Variants in SLC6A4 observed in about 807,000 individuals in gnomAD.
SLC6A4 encodes solute carrier family 6 member 4.
Under a neutral mutation model 73.4 loss-of-function variants are expected in SLC6A4, and 22 were observed. The ratio of observed to expected loss-of-function variants is 0.30; its 90% CI spans 0.21 to 0.43. SLC6A4 has a LOEUF of 0.43. Among genes scored for constraint, SLC6A4 ranks in the 20% least tolerant of loss-of-function variants. The probability of loss-of-function intolerance (pLI) is 1.00; values close to 1 mark genes in which losing one functional copy is unlikely to be tolerated. For missense variants in SLC6A4, 593 were observed against 808.5 expected, an observed-to-expected ratio of 0.73 and a Z score of 3.23; for synonymous variants, 270 against 315.5, an observed-to-expected ratio of 0.86 and a Z score of 1.53.
rs572219241 is a variant in SLC6A4, at chr17:30,229,249, C to T, written c.-220-6334G>A. Reference sequence around the variant, plus strand: ...AAGTACTGGCAGGCACACCCATCAGCGGTCTGGGCTCCAAATGTTCATCTG... The same window carrying T: ...AAGTACTGGCAGGCACACCCATCAGTGGTCTGGGCTCCAAATGTTCATCTG... On this transcript the variant is annotated intron_variant, in intron 1 of 14. Transcript: ENST00000650711. Among the ~76,000 whole-genome samples the T allele has an allele frequency of 9.2e-5, 14 of 152,284 alleles. No individual in the cohort carries two copies. In the East Asian group the frequency reaches 2.7e-3, roughly 29 times the overall value.
intron 9 of SLC6A4, 78 bp downstream of exon 9, chr17:30,212,662 A>G: frequency 6.6e-7 from 1 of 1,511,124 alleles, no homozygotes; most frequent in Non-Finnish European, 9.1e-7. Flanking sequence ...AAATAAATCA[A>G]AAGTTAGATC....
Position 30,194,373 on chromosome 17 carries a change from AAC to A in SLC6A4, c.*4081_*4082del, listed in dbSNP as rs1458713472. The A allele has an allele frequency of 3.3e-5, 5 of 152,136 alleles. No individual in the cohort carries two copies. The highest frequency in any genetic ancestry group is 7.4e-5 in the Non-Finnish European group (5 of 68,014). 9.4% of individuals were successfully genotyped at this position (152,136 alleles called of 1,614,324 possible). ...CACAATCTAACTTGAAATATTTATA[AAC>A]ACTGCATAAATGAATACAAGGGCAC... On this transcript the variant is annotated 3_prime_UTR_variant, in exon 15 of 15. Coordinates refer to ENST00000650711, the MANE Select transcript of SLC6A4 (RefSeq NM_001045.6).
Position 30,216,200 on chromosome 17 carries a change from G to C in SLC6A4, c.854C>G (p.Ala285Gly). 16 of 1,576,416 alleles carry C rather than the reference G, an allele frequency of 1.0e-5. No individual in the cohort carries two copies. Among genetic ancestry groups the C allele is most frequent in the Non-Finnish European group, 1.4e-5 (16 of 1,157,154 alleles). ...AGAAAGGATGATATAAGGGAAGGTG[G>C]CTGTCACCCACACCACCTGTAAGGA... ...KTSGKVVWVT[A>G]TFPYIILSVL... The change falls in exon 7 of 15, where the codon GCC becomes GGC. Residue 285 changes from alanine to glycine, a missense_variant. Physicochemically the swap from Ala to Gly is moderately conservative, Grantham distance 60 (BLOSUM62 0). Coordinates refer to ENST00000650711, the MANE Select transcript of SLC6A4 (RefSeq NM_001045.6).
Position 30,207,786 on chromosome 17 carries a change from G to C in SLC6A4, c.1596C>G (p.Ser532Arg). The part of the protein sequence containing the change: ...CRDVKEMLGF[S>R]PGWFWRICWV... The stretch of plus-strand genomic sequence containing the variant: ...AGCAGATCCTCCAGAACCACCCCGG[G>C]CTGAAGCCGAGCATTTCCTTCACGT... Residue 532 changes from serine (S) to arginine (R), a missense_variant, in exon 13 of 15, where the codon AGC becomes AGG. Coordinates refer to ENST00000650711, the MANE Select transcript of SLC6A4 (RefSeq NM_001045.6). 6.2e-7 allele frequency: 1 copy of C among 1,614,082 alleles called. No individual in the cohort carries two copies. Among genetic ancestry groups the C allele is most frequent in the Non-Finnish European group, 8.5e-7 (1 of 1,179,984 alleles).
At chr17:30,224,985 TATCCCC>T (rs2143015897) in intron 1 of SLC6A4, among the ~76,000 whole-genome samples, 1 of 152,290 alleles carries the variant, frequency 6.6e-6, no homozygotes, top group Admixed American at 6.5e-5. Context: ...TTTCCTGAAA[TATCCCC>T]TAGTTCTTCT....
Position 30,211,292 on chromosome 17 carries a change from T to A in SLC6A4, c.1317+20A>T, listed in dbSNP as rs776185068. On this transcript the variant is annotated intron_variant, in intron 10 of 14. Transcript: ENST00000650711. The surrounding 1 kb of genome is among the most constrained non-coding windows in gnomAD (Gnocchi z 4.0). ...CCTCTTCATCCTCCCACAGCCCATT[T>A]CCCCTTCCCATTTCCTCACCGTGCT... The A allele has an allele frequency of 2.0e-6, 3 of 1,468,972 alleles. No homozygotes were observed. In the African/African-American group the frequency reaches 4.2e-5, roughly 20 times the overall value. 91.0% of individuals were successfully genotyped at this position (1,468,972 alleles called of 1,614,324 possible).
chr17:30,227,047 G>A (rs575564282), intron 1 of SLC6A4, among the ~76,000 whole-genome samples: 17 of 152,334 alleles, frequency 1.1e-4, no homozygotes, highest in Middle Eastern at 6.8e-3. Flanking sequence ...GCTGCCGCTG[G>A]CTCGCCGCGG....
chr17:30,199,809 A>T (rs902560958), intron 14 of SLC6A4, among the ~76,000 whole-genome samples: 1 of 152,206 alleles, frequency 6.6e-6, no homozygotes, highest in African/African-American at 2.4e-5. Flanking sequence ...GAAACCATGC[A>T]TTCCCACAGA....
Position 30,198,144 on chromosome 17 carries a change from A to T in SLC6A4, c.*312T>A, listed in dbSNP as rs551563998. 2 of 302,012 alleles carry T rather than the reference A, an allele frequency of 6.6e-6. No individual in the cohort carries two copies. Among genetic ancestry groups the T allele is most frequent in the East Asian group, 1.1e-4 (2 of 17,838 alleles). 18.7% of individuals were successfully genotyped at this position (302,012 alleles called of 1,614,324 possible). ...AAGAAATGATACAGGAGACTTTCAC[A>T]GACTTGATTCTAAACCTAATCCTAA... On this transcript the variant is annotated 3_prime_UTR_variant, in exon 15 of 15. Coordinates refer to ENST00000650711, the MANE Select transcript of SLC6A4 (RefSeq NM_001045.6).
At position 30,218,937 on chromosome 17, in the gene SLC6A4, G is replaced by A; in HGVS notation, c.344-6C>T. On this transcript the variant is annotated splice_polypyrimidine_tract_variant and splice_region_variant and intron_variant, in intron 3 of 14. Coordinates refer to ENST00000650711, the MANE Select transcript of SLC6A4 (RefSeq NM_001045.6). ...GTAGGGGAGGAGGAATGCCCCTGAG[G>A]CAGATGAAAGACAATTTCACTCCCT... 6.2e-7 allele frequency: 1 copy of A among 1,613,880 alleles called. No homozygotes were observed. The highest frequency in any genetic ancestry group is 8.5e-7 in the Non-Finnish European group (1 of 1,179,990).
chr17:30,217,370 C>G (rs1906611003), intron 5 of SLC6A4, 66 bp from the exon 6 acceptor site: 1 of 1,514,328 alleles, frequency 6.6e-7, no homozygotes. Context: ...CACATCTGTG[C>G]TGCTCCTTTG....
intron 13 of SLC6A4, among the ~76,000 whole-genome samples, chr17:30,206,712 C>CTTTTTTTTTTTTTTTTTTTT (rs1056871791): frequency 5.0e-5 from 4 of 80,296 alleles, no homozygotes; most frequent in Non-Finnish European, 9.6e-5. Flanking sequence ...CTTTTCTTTT[C>CTTTTTTTTTTTTTTTTTTTT]TTTTTTTTTT....
At position 30,197,592 on chromosome 17, in the gene SLC6A4, C is replaced by G. The variant is rs1274528634; in HGVS notation, c.*864G>C. On this transcript the variant is annotated 3_prime_UTR_variant, in exon 15 of 15. Transcript: ENST00000650711. The stretch of plus-strand genomic sequence containing the variant: ...ATAGGCCAGATCTGCCTGTGGAACA[C>G]TGTCCTGAATGTTTAGCACAGAGAG... The G allele has an allele frequency of 6.6e-6, 1 of 152,404 alleles. No homozygotes were observed. The highest frequency in any genetic ancestry group is 1.5e-5 in the Non-Finnish European group (1 of 68,068). 9.4% of individuals were successfully genotyped at this position (152,404 alleles called of 1,614,324 possible). A position where few individuals can be genotyped will look rare whatever the true frequency, so the allele number is the denominator to read the frequency against.
rs1567819009 is a variant in SLC6A4 at position 30,214,972 on chromosome 17, TC to T, written c.1076+638del. On this transcript the variant is annotated intron_variant, in intron 8 of 14. Transcript: ENST00000650711. ...TTTCTTTCTTTCCTTCCTTCTTTCT[TC>T]TTTCTTTCTTTTTCTTTCCTTCCTT... Among the ~76,000 whole-genome samples the T allele has an allele frequency of 4.9e-5, 7 of 141,514 alleles. No homozygotes were observed. In the South Asian group the frequency reaches 9.3e-4, roughly 19 times the overall value. The allele number at this position is 141,514 out of a possible 152,430, so 92.8% of individuals were successfully genotyped here. A position where few individuals can be genotyped will look rare whatever the true frequency, so the allele number is the denominator to read the frequency against.
At chr17:30,233,369 C>T (rs1319584707) in intron 1 of SLC6A4, among the ~76,000 whole-genome samples, 1 of 152,118 alleles carries the variant, frequency 6.6e-6, no homozygotes, top group African/African-American at 2.4e-5. Flanking sequence ...GGTTATTGGG[C>T]CCCTGTTGGT....
chr17:30,214,984 T>TCC (rs373312903), intron 8 of SLC6A4, among the ~76,000 whole-genome samples: 66 of 136,710 alleles, frequency 4.8e-4, no homozygotes, highest in African/African-American at 1.8e-3. Flanking sequence ...TTTCTTTCTT[T>TCC]TTCTTTCCTT....
At chr17:30,215,021 T>TTTCTTTCTTTCC (rs1567819074) in intron 8 of SLC6A4, among the ~76,000 whole-genome samples, 9 of 25,850 alleles carry the variant, frequency 3.5e-4, no homozygotes, top group Non-Finnish European at 7.3e-4. Context: ...TCTTTCTTTC[T>TTTCTTTCTTTCC]TTTTTCTTTC....
chr17:30,195,252 G>C lies in SLC6A4; in HGVS notation c.*3204C>G, dbSNP rs1483107049. The C allele has an allele frequency of 2.0e-5, 3 of 152,200 alleles. No homozygotes were observed. The highest frequency in any genetic ancestry group is 4.4e-5 in the Non-Finnish European group (3 of 68,130). The allele number at this position is 152,200 out of a possible 1,614,324, so 9.4% of individuals were successfully genotyped here. A position where few individuals can be genotyped will look rare whatever the true frequency, so the allele number is the denominator to read the frequency against. On this transcript the variant is annotated 3_prime_UTR_variant, in exon 15 of 15. Coordinates refer to ENST00000650711, the MANE Select transcript of SLC6A4 (RefSeq NM_001045.6). Reference sequence around the variant, plus strand: ...ATCGTGGTATTAAACCAATTGAGAGGGTTTTTTTGTTTTTGTTTTTGTTTT... The same window carrying C: ...ATCGTGGTATTAAACCAATTGAGAGCGTTTTTTTGTTTTTGTTTTTGTTTT...
At chr17:30,212,681 G>C (rs921199101) in intron 9 of SLC6A4, 59 bp downstream of exon 9, 1 of 1,569,644 alleles carries the variant, frequency 6.4e-7, no homozygotes, top group Non-Finnish European at 8.7e-7. Context: ...TCTTTACAAA[G>C]ATTCAAAGCA....
Sources: allele counts gnomAD v4.1 joint callset (sites outside exome capture counted in the v4.1 genomes callset), GRCh38; gene constraint gnomAD v4.1.1; non-coding constraint Gnocchi (gnomAD v3.1); transcripts MANE v1.5; gene names NCBI Gene and HGNC (gene_info 2026-07-23, HGNC 2026-07-21).